ANKRD62: variants seen among roughly 807,000 people sequenced by gnomAD.
The protein encoded by ANKRD62 is ankyrin repeat domain 62.
In ANKRD62, 61 loss-of-function variants were observed where a neutral mutation model predicts 98.8. The ratio of observed to expected loss-of-function variants is 0.62; its 90% CI spans 0.50 to 0.76. The LOEUF is 0.76. ANKRD62 is among the 30% of genes least tolerant of loss of function. The probability of loss-of-function intolerance (pLI) is 0.00; values close to 1 mark genes in which losing one functional copy is unlikely to be tolerated. For synonymous variants in ANKRD62, 341 were observed against 367.9 expected (o/e 0.93, Z 0.84); for missense variants, 933 against 1,082.9 (o/e 0.86, Z 1.94).
downstream of ANKRD62, among the ~76,000 whole-genome samples, chr18:12,130,926 G>T (rs576343758): frequency 3.3e-5 from 5 of 152,276 alleles, no homozygotes; most frequent in South Asian, 1.0e-3. Flanking sequence ...CTGACCTCAG[G>T]TGATCCACTT....
At chr18:12,131,060 A>G (rs1447118408), downstream of ANKRD62, among the ~76,000 whole-genome samples, 1 of 152,132 alleles carries the variant, frequency 6.6e-6, no homozygotes, top group African/African-American at 2.4e-5. Context: ...AGCCTGTCAC[A>G]TGAGGTCAGG....
rs1311164919 is a variant in ANKRD62 at position 12,125,664 on chromosome 18, A to G, written c.1843A>G (p.Thr615Ala). ...TCTCAAGCGGAATGAGGAAGCATTA[A>G]CAAAAACAATAACCCGGTATAGTAA... ...KTLKRNEEALTKTITRYSKEL... is the reference protein window; with the variant it reads ...KTLKRNEEALAKTITRYSKEL... The change falls in exon 13 of 14, where the codon ACA becomes GCA. Residue 615 changes from threonine to alanine, a missense_variant. This residue lies in a region of ANKRD62 where 362 missense variants were observed against 434.5 expected (regional missense o/e 0.83). Transcript: ENST00000587848. 2 of 1,533,240 alleles carry G rather than the reference A, an allele frequency of 1.3e-6. No individual in the cohort carries two copies. Among genetic ancestry groups the G allele is most frequent in the Admixed American group, 4.0e-5 (2 of 49,932 alleles). The allele number at this position is 1,533,240 out of a possible 1,614,324, so 95.0% of individuals were successfully genotyped here.
the ANKRD62 span, among the ~76,000 whole-genome samples, chr18:12,135,696 C>T: frequency 7.9e-5 from 12 of 151,934 alleles, no homozygotes; most frequent in Admixed American, 5.9e-4. Flanking sequence ...ACATCCTCTC[C>T]AGCACCTGTT....
the ANKRD62 span, among the ~76,000 whole-genome samples, chr18:12,166,673 T>A: frequency 1.3e-5 from 2 of 152,128 alleles, no homozygotes; most frequent in Non-Finnish European, 2.9e-5. Flanking sequence ...TTTTCCTAAA[T>A]GGTCTTGATA....
At chr18:12,171,464 C>T in the ANKRD62 span, among the ~76,000 whole-genome samples, 1 of 152,140 alleles carries the variant, frequency 6.6e-6, no homozygotes, top group Non-Finnish European at 1.5e-5. Flanking sequence ...TGAATATTGG[C>T]CCCCACTCTC....
the ANKRD62 span, among the ~76,000 whole-genome samples, chr18:12,152,476 G>A: frequency 2.6e-5 from 4 of 152,104 alleles, no homozygotes; most frequent in African/African-American, 9.7e-5. Context: ...CAGAACCAAA[G>A]ACAAAAACCA....
At chr18:12,140,005 T>C in the ANKRD62 span, among the ~76,000 whole-genome samples, 1 of 152,258 alleles carries the variant, frequency 6.6e-6, no homozygotes, top group Admixed American at 6.5e-5. Context: ...AGATTTGGTC[T>C]TTTCACATAG....
At chr18:12,126,993 G>A (rs963476077) in intron 13 of ANKRD62, among the ~76,000 whole-genome samples, 1 of 152,092 alleles carries the variant, frequency 6.6e-6, no homozygotes, top group Non-Finnish European at 1.5e-5. Context: ...ATTATAATAT[G>A]GGGAAAATGT....
chr18:12,111,213 C>T (rs1276995717), intron 8 of ANKRD62, among the ~76,000 whole-genome samples: 1 of 149,416 alleles, frequency 6.7e-6, no homozygotes, highest in Admixed American at 6.7e-5. Flanking sequence ...TGCACCACTG[C>T]ACTCCAGCCT....
intron 8 of ANKRD62, among the ~76,000 whole-genome samples, chr18:12,112,951 A>G (rs1306713372): frequency 6.6e-6 from 1 of 152,124 alleles, no homozygotes; most frequent in Non-Finnish European, 1.5e-5. Flanking sequence ...GCTGGAGTGC[A>G]GTGCTGTGAT....
the ANKRD62 span, among the ~76,000 whole-genome samples, chr18:12,167,604 A>T: frequency 1.3e-5 from 2 of 152,184 alleles, no homozygotes; most frequent in Non-Finnish European, 2.9e-5. Context: ...ACATGTGTGC[A>T]TGTGTCTTTA....
At chr18:12,172,812 C>T in the ANKRD62 span, among the ~76,000 whole-genome samples, 1 of 152,228 alleles carries the variant, frequency 6.6e-6, no homozygotes, top group Non-Finnish European at 1.5e-5. Flanking sequence ...CAATGGCAGA[C>T]TCCCCTCCCC....
At chr18:12,134,489 A>AG (rs1464331960), downstream of ANKRD62, among the ~76,000 whole-genome samples, 1 of 151,786 alleles carries the variant, frequency 6.6e-6, no homozygotes, top group African/African-American at 2.4e-5. Flanking sequence ...CTCGTCATTT[A>AG]CATTAGGTAT....
At chr18:12,159,257 G>A in the ANKRD62 span, among the ~76,000 whole-genome samples, 2 of 152,142 alleles carry the variant, frequency 1.3e-5, no homozygotes, top group Non-Finnish European at 2.9e-5. Flanking sequence ...AGTTGGCATT[G>A]TTCATGATAT....
intron 5 of ANKRD62, among the ~76,000 whole-genome samples, chr18:12,098,084 A>G (rs1427193034): frequency 6.6e-6 from 1 of 152,208 alleles, no homozygotes; most frequent in Non-Finnish European, 1.5e-5. Flanking sequence ...ATGTTCAGAT[A>G]GTGTTGCAGG....
At chr18:12,171,036 C>A in the ANKRD62 span, among the ~76,000 whole-genome samples, 127 of 150,788 alleles carry the variant, frequency 8.4e-4, 2 homozygotes, top group East Asian at 0.02. Context: ...TGTGTCTCTG[C>A]ACGTGAGATG....
chr18:12,179,707 G>A, the ANKRD62 span, among the ~76,000 whole-genome samples: 2 of 148,466 alleles, frequency 1.3e-5, no homozygotes, highest in Admixed American at 1.3e-4. Context: ...TTTTCAAGCA[G>A]AAAGCAAACA....
intron 6 of ANKRD62, among the ~76,000 whole-genome samples, chr18:12,099,936 G>T (rs930129218): frequency 2.0e-5 from 3 of 152,032 alleles, no homozygotes; most frequent in African/African-American, 7.2e-5. Flanking sequence ...TGATATTTTT[G>T]TGTAAATAAG....
chr18:12,099,793 A>G, intron 6 of ANKRD62, 111 bp downstream of exon 6: 1 of 469,564 alleles, frequency 2.1e-6, no homozygotes, highest in Non-Finnish European at 3.5e-6. Context: ...CTGTAAATTG[A>G]ATGTATATTT....
Sources: gnomAD v4.1 joint callset for allele counts (sites outside exome capture counted in the v4.1 genomes callset) on GRCh38, gnomAD v4.1.1 for gene constraint, gnomAD v4.1.1 regional missense constraint, MANE v1.5 for transcripts, NCBI Gene and HGNC (gene_info 2026-07-23, HGNC 2026-07-21) for gene names.